Variants in PSD3 observed in about 807,000 individuals in gnomAD.
The protein encoded by PSD3 is PH and SEC7 domain-containing protein 3.
PSD3 carries 49 observed loss-of-function variants against 105.5 expected under a neutral mutation model. That is an observed-to-expected ratio of 0.46 (90% confidence interval 0.37 to 0.59). The LOEUF is 0.59. PSD3 is among the 20% of genes least tolerant of loss of function. The pLI is 0.00. For missense variants in PSD3, 1,561 were observed against 1,263.8 expected (o/e 1.24, Z -3.57); for synonymous variants, 557 against 457.8 (o/e 1.22, Z -2.77).
At chr8:19,076,034 A>C (rs6586803) in intron 1 of PSD3, among the ~76,000 whole-genome samples, 63,744 of 152,094 alleles carry the variant, frequency 0.42, 13,957 homozygotes, top group East Asian at 0.72. Flanking sequence ...AATGAAAAAA[A>C]GGCAGGCGCC....
At chr8:18,833,797 T>C (rs1427506809) in intron 4 of PSD3, among the ~76,000 whole-genome samples, 1 of 151,696 alleles carries the variant, frequency 6.6e-6, no homozygotes, top group African/African-American at 2.4e-5. Context: ...AAAGAAAAAA[T>C]AGAAAAAGGT....
At position 18,804,504 on chromosome 8, in the gene PSD3, A is replaced by C; in HGVS notation, c.1910+18T>G. 1.3e-6 allele frequency: 2 copies of C among 1,566,994 alleles called. No individual in the cohort carries two copies. The highest frequency in any genetic ancestry group is 1.8e-6 in the Non-Finnish European group (2 of 1,140,418). The stretch of plus-strand genomic sequence containing the variant: ...TCATTTGAAAGCAATGACGAGCAGC[A>C]AGGAGGCTTAGTCATACCTGAGTGA... On this transcript the variant is annotated intron_variant, in intron 6 of 15. Coordinates refer to ENST00000327040, the MANE Select transcript of PSD3 (RefSeq NM_015310.4).
intron 1 of PSD3, among the ~76,000 whole-genome samples, chr8:19,060,307 C>T (rs1404272076): frequency 1.3e-5 from 2 of 152,172 alleles, no homozygotes; most frequent in Non-Finnish European, 2.9e-5. Flanking sequence ...AGAGATTTTG[C>T]TATCAATACC....
chr8:19,061,623 T>C (rs1828898488), intron 1 of PSD3, among the ~76,000 whole-genome samples: 1 of 152,084 alleles, frequency 6.6e-6, no homozygotes, highest in Admixed American at 6.6e-5. Context: ...CTGACCAATG[T>C]GGTGAAACCC....
chr8:18,635,530 T>G (rs577935567), intron 10 of PSD3, among the ~76,000 whole-genome samples: 1 of 152,182 alleles, frequency 6.6e-6, no homozygotes, highest in South Asian at 2.1e-4. Context: ...CTTCTATTTA[T>G]TAAAAAAAAA....
chr8:19,013,697 G>A lies in PSD3; in HGVS notation c.-114C>T, dbSNP rs1586628976. 2 of 961,186 alleles carry A rather than the reference G, an allele frequency of 2.1e-6. No homozygotes were observed. The highest frequency in any genetic ancestry group is 8.7e-5 in the East Asian group (2 of 23,068). 59.5% of individuals were successfully genotyped at this position (961,186 alleles called of 1,614,324 possible). A position where few individuals can be genotyped will look rare whatever the true frequency, so the allele number is the denominator to read the frequency against. On this transcript the variant is annotated 5_prime_UTR_variant, in exon 1 of 16. Coordinates refer to ENST00000327040, the MANE Select transcript of PSD3 (RefSeq NM_015310.4). ...CGCGTGCTCTTTGTTGAGCTCCCGG[G>A]ACTGCCGAGAGGCGGCGGCCCGCGC...
At chr8:19,081,467 G>C (rs1181482598) in intron 1 of PSD3, among the ~76,000 whole-genome samples, 1 of 152,212 alleles carries the variant, frequency 6.6e-6, no homozygotes, top group Non-Finnish European at 1.5e-5. Context: ...CTGGGCCCAA[G>C]CTGCTTCATC....
Position 18,971,328 on chromosome 8 carries a change from C to G in PSD3, c.22-35186G>C, listed in dbSNP as rs541936002. Among the ~76,000 whole-genome samples, 11 of 152,252 alleles carry G rather than the reference C, an allele frequency of 7.2e-5. No individual in the cohort carries two copies. The East Asian group carries it at 1.7e-3, about 24-fold the overall frequency. On this transcript the variant is annotated intron_variant, in intron 1 of 15. Coordinates refer to ENST00000327040, the MANE Select transcript of PSD3 (RefSeq NM_015310.4). ...AGGTCCTGCCACACCACAGGCTGAC[C>G]GAGTCACTGCAGCCACCACGGCCTC...
intron 1 of PSD3, among the ~76,000 whole-genome samples, chr8:18,976,336 T>C (rs1006213923): frequency 2.6e-5 from 4 of 152,160 alleles, no homozygotes; most frequent in African/African-American, 9.7e-5. Flanking sequence ...ACAAATTACA[T>C]TGAAATACTA....
In PSD3 at chr8:18,545,884, TA is replaced by T. The variant is rs568122740; in HGVS notation, c.2929-9927del. Among the ~76,000 whole-genome samples the T allele has an allele frequency of 4.1e-4, 63 of 152,334 alleles. 2 individuals carry two copies. In the Middle Eastern group the frequency reaches 0.01, roughly 25 times the overall value. On this transcript the variant is annotated intron_variant, in intron 15 of 15. Transcript: ENST00000327040. ...AGGGTCAGTTCTTCCAGGAAATCCT[TA>T]AAGTGTGATTTGAGGAGCAGCTGAA...
chr8:18,568,029 C>A (rs1280995748), intron 14 of PSD3, among the ~76,000 whole-genome samples: 1 of 152,212 alleles, frequency 6.6e-6, no homozygotes, highest in Non-Finnish European at 1.5e-5. Context: ...CTTCCTCTCT[C>A]TCTTGCCATG....
chr8:19,064,373 TTATC>T (rs1289205558), intron 1 of PSD3, among the ~76,000 whole-genome samples: 3 of 152,202 alleles, frequency 2.0e-5, no homozygotes, highest in Non-Finnish European at 4.4e-5. Flanking sequence ...ACTATGTTAA[TTATC>T]TATTTTTAAC....
At chr8:18,847,191 C>A (rs1406037233) in intron 4 of PSD3, among the ~76,000 whole-genome samples, 4 of 152,198 alleles carry the variant, frequency 2.6e-5, no homozygotes, top group Non-Finnish European at 5.9e-5. Flanking sequence ...GCACCATCAA[C>A]CAGTCACTTG....
chr8:19,006,451 GCC>G (rs1175711068), intron 1 of PSD3, among the ~76,000 whole-genome samples: 1 of 151,782 alleles, frequency 6.6e-6, no homozygotes, highest in East Asian at 1.9e-4. Context: ...GTATTGTTAT[GCC>G]TTGATACTGT....
intron 1 of PSD3, chr8:18,989,511 A>ACC (rs1825682641): frequency 1.3e-5 from 2 of 152,232 alleles, no homozygotes; most frequent in African/African-American, 4.8e-5. Context: ...ATTACTCAAA[A>ACC]TAGCAAGTAT....
intron 7 of PSD3, 188 bp downstream of exon 7, chr8:18,801,082 T>C (rs1035080566): frequency 9.4e-6 from 4 of 424,342 alleles, no homozygotes; most frequent in Non-Finnish European, 1.3e-5. Flanking sequence ...AAAAGGCAGC[T>C]AAAAACAAAA....
At chr8:18,554,399 T>C (rs573401153) in intron 15 of PSD3, among the ~76,000 whole-genome samples, 3 of 152,192 alleles carry the variant, frequency 2.0e-5, no homozygotes, top group Non-Finnish European at 4.4e-5. Flanking sequence ...ATTTTTTATT[T>C]TATTTTTTCA....
Position 18,949,674 on chromosome 8 carries a change from T to A in PSD3, c.22-13532A>T, listed in dbSNP as rs73666760. On this transcript the variant is annotated intron_variant, in intron 1 of 15. Coordinates refer to ENST00000327040, the MANE Select transcript of PSD3 (RefSeq NM_015310.4). ...TGACCAGATCATACCAAGCATTTCA[T>A]CCCTGGCTGTTAATAAATGAATATT... is the stretch of plus-strand genomic sequence containing the variant. 3.8e-3 allele frequency among the ~76,000 whole-genome samples: 575 copies of A among 152,166 alleles called. 2 individuals carry two copies. Among genetic ancestry groups the A allele is most frequent in the African/African-American group, 0.013 (541 of 41,526 alleles).
At chr8:18,701,310 T>C (rs574610097) in intron 9 of PSD3, among the ~76,000 whole-genome samples, 1 of 151,990 alleles carries the variant, frequency 6.6e-6, no homozygotes, top group South Asian at 2.1e-4. Context: ...AGTAAAATAG[T>C]TTTTTTTGGT....
Sources: gnomAD v4.1 joint callset for allele counts (sites outside exome capture counted in the v4.1 genomes callset) on GRCh38, gnomAD v4.1.1 for gene constraint, MANE v1.5 for transcripts, NCBI Gene and HGNC (gene_info 2026-07-23, HGNC 2026-07-21) for gene names.